Variants in SATB2 observed in about 807,000 individuals in gnomAD.
SATB2 encodes the protein DNA-binding protein SATB2.
Under a neutral mutation model 73.4 loss-of-function variants are expected in SATB2, and 1 was observed. The observed-to-expected ratio is 0.01, with a 90% CI of 0.00 to 0.06. The LOEUF (loss-of-function observed/expected upper bound fraction) is 0.06. SATB2 is among the 10% of genes least tolerant of loss of function. The probability of loss-of-function intolerance (pLI) is 1.00; values close to 1 mark genes in which losing one functional copy is unlikely to be tolerated. For synonymous variants in SATB2, 397 were observed against 367.0 expected (o/e 1.08, Z -0.93); for missense variants, 459 against 945.8 (o/e 0.49, Z 6.75).
At chr2:199,341,628 C>T (rs1020231254) in intron 7 of SATB2, among the ~76,000 whole-genome samples, 1 of 152,130 alleles carries the variant, frequency 6.6e-6, no homozygotes, top group Non-Finnish European at 1.5e-5. Context: ...AGGTTTTAAA[C>T]AATAATACTG....
intron 10 of SATB2, among the ~76,000 whole-genome samples, chr2:199,290,551 T>G (rs1470772356): frequency 2.6e-5 from 4 of 152,196 alleles, no homozygotes; most frequent in Admixed American, 2.6e-4. Flanking sequence ...AATACACTTA[T>G]TACCGAAAAG....
At chr2:199,418,501 T>C (rs1343525098) in intron 3 of SATB2, among the ~76,000 whole-genome samples, 1 of 152,234 alleles carries the variant, frequency 6.6e-6, no homozygotes, top group African/African-American at 2.4e-5. Context: ...AAAACTAATA[T>C]AAAATGTGAA....
chr2:199,419,572 T>C (rs1026456893), intron 3 of SATB2, among the ~76,000 whole-genome samples: 1 of 152,214 alleles, frequency 6.6e-6, no homozygotes, highest in African/African-American at 2.4e-5. Context: ...TACCTCGGGA[T>C]GTCCATGTGA....
At chr2:199,407,672 T>C (rs1387322592) in intron 3 of SATB2, among the ~76,000 whole-genome samples, 1 of 152,180 alleles carries the variant, frequency 6.6e-6, no homozygotes, top group Admixed American at 6.5e-5. Context: ...CCATTTTATC[T>C]GCTAGACCAA....
At chr2:199,380,594 G>A in intron 4 of SATB2, 107 bp from the exon 5 acceptor site, 1 of 1,398,440 alleles carries the variant, frequency 7.2e-7, no homozygotes. Flanking sequence ...AGCTTCAGAA[G>A]AAATGCTAAA....
At chr2:199,442,004 A>C (rs769293832) in intron 2 of SATB2, among the ~76,000 whole-genome samples, 4 of 152,200 alleles carry the variant, frequency 2.6e-5, no homozygotes, top group African/African-American at 4.8e-5. Context: ...AGGAATGCCA[A>C]GGCTCTAGTG....
intron 7 of SATB2, chr2:199,347,662 T>C (rs1235008614): frequency 2.0e-5 from 3 of 152,264 alleles, no homozygotes; most frequent in Admixed American, 1.3e-4. Flanking sequence ...ATATTCATTC[T>C]CCTGGAAGTA....
At chr2:199,284,961 A>T (rs1692641871) in intron 10 of SATB2, among the ~76,000 whole-genome samples, 1 of 152,130 alleles carries the variant, frequency 6.6e-6, no homozygotes, top group South Asian at 2.1e-4. Context: ...TTACATGCAA[A>T]TACTACACCA....
intron 7 of SATB2, among the ~76,000 whole-genome samples, chr2:199,346,121 C>T (rs1688643211): frequency 6.6e-6 from 1 of 151,596 alleles, no homozygotes; most frequent in African/African-American, 2.4e-5. Flanking sequence ...AAATCCCAAC[C>T]ATTAACAAAA....
chr2:199,321,434 C>A (rs974671978), intron 9 of SATB2, among the ~76,000 whole-genome samples: 3 of 149,882 alleles, frequency 2.0e-5, no homozygotes, highest in African/African-American at 4.9e-5. Flanking sequence ...ATATATATAT[C>A]TCAGTCTCAT....
intron 3 of SATB2, among the ~76,000 whole-genome samples, chr2:199,410,830 G>A (rs1301234061): frequency 6.6e-6 from 1 of 152,158 alleles, no homozygotes; most frequent in Non-Finnish European, 1.5e-5. Flanking sequence ...GCAGCTAATA[G>A]TGTAAAAGTA....
At chr2:199,423,227 A>G (rs1226588577) in intron 3 of SATB2, among the ~76,000 whole-genome samples, 14 of 152,144 alleles carry the variant, frequency 9.2e-5, no homozygotes, top group Non-Finnish European at 1.3e-4. Context: ...TCTCCCCTAC[A>G]TATAAGAATG....
chr2:199,365,239 G>T (rs1466408870), intron 6 of SATB2, among the ~76,000 whole-genome samples: 1 of 150,170 alleles, frequency 6.7e-6, no homozygotes, highest in Non-Finnish European at 1.5e-5. Context: ...ATACTTCGGA[G>T]CTTATGAGCT....
chr2:199,421,965 A>G (rs977123707), intron 3 of SATB2, among the ~76,000 whole-genome samples: 2 of 152,228 alleles, frequency 1.3e-5, no homozygotes, highest in African/African-American at 2.4e-5. Context: ...TGTGCTGGGT[A>G]TATAGTATCT....
intron 4 of SATB2, 41 bp from the exon 5 acceptor site, chr2:199,380,528 C>T (rs375126645): frequency 1.2e-6 from 2 of 1,604,104 alleles, no homozygotes; most frequent in South Asian, 1.1e-5. Context: ...CAAACCTCAA[C>T]CAGGGTCCCT....
In SATB2 at chr2:199,456,024, C is replaced by T; in HGVS notation, c.14G>A (p.Ser5Asn). The T allele has an allele frequency of 6.5e-7, 1 of 1,546,008 alleles. No individual in the cohort carries two copies. The highest frequency in any genetic ancestry group is 1.9e-5 in the Admixed American group (1 of 52,616). Residue 5 changes from serine to asparagine, a missense_variant, in exon 2 of 11, where the codon AGC (serine) becomes AAC (asparagine). By Grantham distance (46) the Ser-to-Asn change is conservative. Transcript: ENST00000417098. ...GCTGTCCCGCAGACACGGGCTCTCGCTCCGCCGCTCCATGCTGCTCCGACT... is the reference window on the plus strand; with the variant it reads ...GCTGTCCCGCAGACACGGGCTCTCGTTCCGCCGCTCCATGCTGCTCCGACT... MERR[S>N]ESPCLRDSPD...
intron 3 of SATB2, among the ~76,000 whole-genome samples, chr2:199,424,348 G>T (rs1559046496): frequency 6.6e-6 from 1 of 152,148 alleles, no homozygotes; most frequent in Non-Finnish European, 1.5e-5. Context: ...ACAGCCAGCA[G>T]AATGCTCACT....
At chr2:199,448,384 G>A (rs1692025224) in intron 2 of SATB2, among the ~76,000 whole-genome samples, 1 of 151,648 alleles carries the variant, frequency 6.6e-6, no homozygotes, top group African/African-American at 2.4e-5. Flanking sequence ...TGCTCTCTTT[G>A]CAAAGAAAAT....
chr2:199,356,244 A>G (rs957857512), intron 6 of SATB2, among the ~76,000 whole-genome samples: 47 of 151,544 alleles, frequency 3.1e-4, no homozygotes, highest in African/African-American at 7.2e-4. Flanking sequence ...AAAAAAAAAA[A>G]AAAGAAAGAA....
Sources: gnomAD v4.1 joint callset for allele counts (sites outside exome capture counted in the v4.1 genomes callset) on GRCh38, gnomAD v4.1.1 for gene constraint, MANE v1.5 for transcripts, NCBI Gene and HGNC (gene_info 2026-07-23, HGNC 2026-07-21) for gene names.